The following KIRREL3 variants were observed in gnomAD, a reference collection of about 807,000 sequenced individuals.
KIRREL3 encodes the protein kin of IRRE-like protein 3.
KIRREL3 carries 36 observed loss-of-function variants against 89.7 expected under a neutral mutation model. That is an observed-to-expected ratio of 0.40 (90% confidence interval 0.31 to 0.53). KIRREL3 has a LOEUF of 0.53. KIRREL3 is among the 20% of genes least tolerant of loss of function. The pLI is 0.49. For synonymous variants in KIRREL3, 445 were observed against 441.4 expected, an observed-to-expected ratio of 1.01 and a Z score of -0.10; for missense variants, 864 against 1,056.6, an observed-to-expected ratio of 0.82 and a Z score of 2.53.
intron 1 of KIRREL3, among the ~76,000 whole-genome samples, chr11:126,638,858 C>T (rs897593974): frequency 1.3e-5 from 2 of 152,192 alleles, no homozygotes; most frequent in Non-Finnish European, 2.9e-5. Context: ...CACCCCGTCT[C>T]CCCATGGCCC....
At position 126,917,940 on chromosome 11, in the gene KIRREL3, T is replaced by A. The variant is rs567535322; in HGVS notation, c.55+82515A>T. Among the ~76,000 whole-genome samples, 5 of 152,320 alleles carry A rather than the reference T, an allele frequency of 3.3e-5. No individual in the cohort carries two copies. In the South Asian group the frequency reaches 1.0e-3, roughly 32 times the overall value. On this transcript the variant is annotated intron_variant, in intron 1 of 16. Coordinates refer to ENST00000525144, the MANE Select transcript of KIRREL3 (RefSeq NM_032531.4). This position sits in a 1 kb window ranked among gnomAD's most constrained non-coding sequence, Gnocchi z 5.0. ...TCACTTGGTGTGTGATGACACATCT[T>A]ACAGTGATGGAGCAGAATTTAGATG...
At chr11:126,599,807 C>T (rs1304214001) in intron 1 of KIRREL3, among the ~76,000 whole-genome samples, 2 of 152,260 alleles carry the variant, frequency 1.3e-5, no homozygotes, top group Non-Finnish European at 2.9e-5. Flanking sequence ...GACCAGGGCT[C>T]TGTTCCTGAC....
intron 7 of KIRREL3, among the ~76,000 whole-genome samples, chr11:126,450,411 ATG>A (rs759208151): frequency 2.8e-5 from 4 of 140,674 alleles, no homozygotes; most frequent in South Asian, 2.3e-4. Context: ...GAGTGTGTGC[ATG>A]TGTGAGTGGG....
rs1481814346 is a variant in KIRREL3 at position 126,883,869 on chromosome 11, G to A, written c.55+116586C>T. On this transcript the variant is annotated intron_variant, in intron 1 of 16. Coordinates refer to ENST00000525144, the MANE Select transcript of KIRREL3 (RefSeq NM_032531.4). The surrounding 1 kb of genome is among the most constrained non-coding windows in gnomAD (Gnocchi z 4.1). ...ATTACCCAGAATCAAAATTGGAATG[G>A]AGAGGTGGAGACATAGGTTTTGAAT... Among the ~76,000 whole-genome samples, 1 of 152,146 alleles carries A rather than the reference G, an allele frequency of 6.6e-6. No individual in the cohort carries two copies. Among genetic ancestry groups the A allele is most frequent in the African/African-American group, 2.4e-5 (1 of 41,438 alleles).
Position 126,908,725 on chromosome 11 carries a change from T to C in KIRREL3, c.55+91730A>G, listed in dbSNP as rs1218514123. Among the ~76,000 whole-genome samples the C allele has an allele frequency of 1.3e-5, 2 of 152,108 alleles. No homozygotes were observed. Among genetic ancestry groups the C allele is most frequent in the Non-Finnish European group, 2.9e-5 (2 of 68,026 alleles). The stretch of plus-strand genomic sequence containing the variant: ...TGGGGATTCCACAGTAGATTAAATA[T>C]AATAGTTTCTGCTTTTATGGGGCCT... On this transcript the variant is annotated intron_variant, in intron 1 of 16. Coordinates refer to ENST00000525144, the MANE Select transcript of KIRREL3 (RefSeq NM_032531.4). The surrounding 1 kb of genome is among the most constrained non-coding windows in gnomAD (Gnocchi z 4.2).
chr11:126,469,005 A>AG (rs1208619929), intron 5 of KIRREL3, among the ~76,000 whole-genome samples: 2 of 151,764 alleles, frequency 1.3e-5, no homozygotes, highest in African/African-American at 2.4e-5. Context: ...GGATCCAGTG[A>AG]GGGGGTGACA....
intron 1 of KIRREL3, among the ~76,000 whole-genome samples, chr11:126,572,201 A>G (rs1940984870): frequency 6.6e-6 from 1 of 152,238 alleles, no homozygotes; most frequent in African/African-American, 2.4e-5. Context: ...ACTGAAGGCA[A>G]TAAGGAGGCA....
Position 126,553,925 on chromosome 11 carries a change from C to T in KIRREL3, c.133+8910G>A, listed in dbSNP as rs981623600. On this transcript the variant is annotated intron_variant, in intron 2 of 16. Coordinates refer to ENST00000525144, the MANE Select transcript of KIRREL3 (RefSeq NM_032531.4). The surrounding 1 kb of genome is among the most constrained non-coding windows in gnomAD (Gnocchi z 4.7). Reference sequence around the variant, plus strand: ...TTACCTTGTCTGATCAAAGTAGTAACCTTCGAAACAGGTTGGTGTCCATTC... The same window carrying T: ...TTACCTTGTCTGATCAAAGTAGTAATCTTCGAAACAGGTTGGTGTCCATTC... Among the ~76,000 whole-genome samples, 3 of 152,178 alleles carry T rather than the reference C, an allele frequency of 2.0e-5. No homozygotes were observed. The highest frequency in any genetic ancestry group is 7.2e-5 in the African/African-American group (3 of 41,440).
Position 126,805,857 on chromosome 11 carries a change from C to T in KIRREL3, c.55+194598G>A, listed in dbSNP as rs1565747082. On this transcript the variant is annotated intron_variant, in intron 1 of 16. Coordinates refer to ENST00000525144, the MANE Select transcript of KIRREL3 (RefSeq NM_032531.4). This position sits in a 1 kb window ranked among gnomAD's most constrained non-coding sequence, Gnocchi z 4.3. The stretch of plus-strand genomic sequence containing the variant: ...AGTTCCCACTCAGCCCCCAGCAGAC[C>T]AGAGAGTCAAACCCAACCCAGTGGG... Among the ~76,000 whole-genome samples, 1 of 152,162 alleles carries T rather than the reference C, an allele frequency of 6.6e-6. No individual in the cohort carries two copies. The highest frequency in any genetic ancestry group is 1.5e-5 in the Non-Finnish European group (1 of 68,040).
At chr11:126,922,170 T>C (rs1024657591) in intron 1 of KIRREL3, among the ~76,000 whole-genome samples, 2 of 149,750 alleles carry the variant, frequency 1.3e-5, no homozygotes, top group African/African-American at 2.4e-5. Context: ...TATCTATCTA[T>C]CTATCTCTAT....
chr11:126,996,335 G>GT lies in KIRREL3; in HGVS notation c.55+4119dup, dbSNP rs1950178145. On this transcript the variant is annotated intron_variant, in intron 1 of 16. Coordinates refer to ENST00000525144, the MANE Select transcript of KIRREL3 (RefSeq NM_032531.4). The surrounding 1 kb of genome is among the most constrained non-coding windows in gnomAD (Gnocchi z 4.7). Reference sequence around the variant, plus strand: ...TGTTTTATGACATTTCTGAGTGAGTGTAAGTGTTTCCAAAGTTGCTGTTCA... The same window carrying GT: ...TGTTTTATGACATTTCTGAGTGAGTGTTAAGTGTTTCCAAAGTTGCTGTTCA... Among the ~76,000 whole-genome samples the GT allele has an allele frequency of 6.6e-6, 1 of 152,140 alleles. No individual in the cohort carries two copies. The highest frequency in any genetic ancestry group is 2.4e-5 in the African/African-American group (1 of 41,432).
At position 126,970,331 on chromosome 11, in the gene KIRREL3, C is replaced by T. The variant is rs1417021434; in HGVS notation, c.55+30124G>A. ...CTTTTCTTCCCTTTCTTTTCTCTCTCACATTATCTTGTTTATGAAACACTG... is the reference window on the plus strand; with the variant it reads ...CTTTTCTTCCCTTTCTTTTCTCTCTTACATTATCTTGTTTATGAAACACTG... On this transcript the variant is annotated intron_variant, in intron 1 of 16. Coordinates refer to ENST00000525144, the MANE Select transcript of KIRREL3 (RefSeq NM_032531.4). This position sits in a 1 kb window ranked among gnomAD's most constrained non-coding sequence, Gnocchi z 4.4. Among the ~76,000 whole-genome samples the T allele has an allele frequency of 1.3e-5, 2 of 152,128 alleles. No homozygotes were observed. Among genetic ancestry groups the T allele is most frequent in the African/African-American group, 4.8e-5 (2 of 41,426 alleles).
At position 126,444,834 on chromosome 11, in the gene KIRREL3, G is replaced by A. The variant is rs143420631; in HGVS notation, c.1252+145C>T. 2.1e-4 allele frequency: 223 copies of A among 1,047,964 alleles called. 3 individuals are homozygous for A. The African/African-American group carries it at 3.3e-3, about 15-fold the overall frequency. 64.9% of individuals were successfully genotyped at this position (1,047,964 alleles called of 1,614,324 possible). A position where few individuals can be genotyped will look rare whatever the true frequency, so the allele number is the denominator to read the frequency against. ...GGGTCTGACGGGGAATCCAGGAGGT[G>A]GACCTAATTGTTGTCTACCCATAGT... On this transcript the variant is annotated intron_variant, in intron 10 of 16. Coordinates refer to ENST00000525144, the MANE Select transcript of KIRREL3 (RefSeq NM_032531.4).
chr11:126,589,107 G>A (rs1484392018), intron 1 of KIRREL3, among the ~76,000 whole-genome samples: 1 of 152,220 alleles, frequency 6.6e-6, no homozygotes, highest in African/African-American at 2.4e-5. Flanking sequence ...TCCAATCAGA[G>A]CAATTACTGC....
Position 126,530,904 on chromosome 11 carries a change from C to T in KIRREL3, c.134-4217G>A, listed in dbSNP as rs990691264. ...GGAGTGCAGTGGTGCGATCTCCGCT[C>T]ATTGCAACCTTTGCCTCCCGGGTTC... On this transcript the variant is annotated intron_variant, in intron 2 of 16. Transcript: ENST00000525144. This position sits in a 1 kb window ranked among gnomAD's most constrained non-coding sequence, Gnocchi z 5.8. 1.2e-4 allele frequency among the ~76,000 whole-genome samples: 19 copies of T among 152,132 alleles called. No homozygotes were observed. Among genetic ancestry groups the T allele is most frequent in the Admixed American group, 4.6e-4 (7 of 15,282 alleles).
intron 6 of KIRREL3, among the ~76,000 whole-genome samples, chr11:126,458,311 G>A (rs1026141559): frequency 2.0e-5 from 3 of 152,210 alleles, no homozygotes; most frequent in African/African-American, 7.2e-5. Context: ...GGTCTCTTTC[G>A]GTCCCCATGG....
At chr11:126,494,790 G>A (rs1381234588) in intron 4 of KIRREL3, among the ~76,000 whole-genome samples, 1 of 152,208 alleles carries the variant, frequency 6.6e-6, no homozygotes, top group Non-Finnish European at 1.5e-5. Flanking sequence ...GTGAGCGCTA[G>A]GACAGGCGCA....
intron 1 of KIRREL3, among the ~76,000 whole-genome samples, chr11:126,986,570 C>T (rs1949872671): frequency 6.6e-6 from 1 of 152,164 alleles, no homozygotes; most frequent in Non-Finnish European, 1.5e-5. Flanking sequence ...TAGATTATGA[C>T]ATTGCTTCCC....
rs77809703 is a variant in KIRREL3 at position 126,949,160 on chromosome 11, T to G, written c.55+51295A>C. Among the ~76,000 whole-genome samples the G allele has an allele frequency of 2.6e-3, 401 of 152,298 alleles. 3 individuals are homozygous for G. Among genetic ancestry groups the G allele is most frequent in the East Asian group, 0.015 (80 of 5,184 alleles). Reference sequence around the variant, plus strand: ...GCTTTCTAAATATGAATTTGCTGGGTCTACAGGTATGATTTCTGGTGAGCT... The same window carrying G: ...GCTTTCTAAATATGAATTTGCTGGGGCTACAGGTATGATTTCTGGTGAGCT... On this transcript the variant is annotated intron_variant, in intron 1 of 16. Transcript: ENST00000525144.
Sources: gnomAD v4.1 joint callset for allele counts (sites outside exome capture counted in the v4.1 genomes callset) on GRCh38, gnomAD v4.1.1 for gene constraint, Gnocchi (gnomAD v3.1) non-coding constraint, MANE v1.5 for transcripts, NCBI Gene and HGNC (gene_info 2026-07-23, HGNC 2026-07-21) for gene names.